AAMDC: variants seen among roughly 807,000 people sequenced by gnomAD.
AAMDC encodes the protein mth938 domain-containing protein.
Under a neutral mutation model 15.5 loss-of-function variants are expected in AAMDC, and 16 were observed. The observed-to-expected ratio is 1.03, with a 90% confidence interval of 0.70 to 1.57. The LOEUF is 1.57. AAMDC is among the 40% of genes most tolerant of loss of function. The probability of loss-of-function intolerance (pLI) is 0.00; values close to 1 mark genes in which losing one functional copy is unlikely to be tolerated. For missense variants in AAMDC, 141 were observed against 144.9 expected (o/e 0.97, Z 0.14); for synonymous variants, 51 against 51.6 (o/e 0.99, Z 0.05).
intron 1 of AAMDC, among the ~76,000 whole-genome samples, chr11:77,838,710 G>A (rs889289620): frequency 3.4e-5 from 5 of 147,336 alleles, no homozygotes; most frequent in East Asian, 4.1e-4. Flanking sequence ...TCCGCCTCCC[G>A]GGTTCACGCC....
At chr11:77,850,171 TA>T (rs1374624625) in intron 2 of AAMDC, among the ~76,000 whole-genome samples, 5 of 152,190 alleles carry the variant, frequency 3.3e-5, no homozygotes, top group Admixed American at 1.3e-4. Flanking sequence ...TTCATTAGTT[TA>T]AAAAAGGACA....
intron 1 of AAMDC, among the ~76,000 whole-genome samples, chr11:77,832,844 C>T (rs1949495587): frequency 6.6e-6 from 1 of 151,610 alleles, no homozygotes; most frequent in African/African-American, 2.4e-5. Context: ...CTTTTTGGCA[C>T]AAGGGACCAG....
chr11:77,848,177 A>T (rs368558373), intron 2 of AAMDC, among the ~76,000 whole-genome samples: 29 of 152,194 alleles, frequency 1.9e-4, no homozygotes, highest in African/African-American at 6.8e-4. Context: ...ACCATCAAAG[A>T]TACTTATGTG....
At chr11:77,822,444 A>G (rs996882560) in intron 1 of AAMDC, among the ~76,000 whole-genome samples, 1 of 150,440 alleles carries the variant, frequency 6.6e-6, no homozygotes, top group Non-Finnish European at 1.5e-5. Flanking sequence ...AAGAATTTGA[A>G]GCAAGGTACA....
downstream of AAMDC, among the ~76,000 whole-genome samples, chr11:77,875,509 A>G (rs1236188883): frequency 6.6e-6 from 1 of 152,214 alleles, no homozygotes; most frequent in Non-Finnish European, 1.5e-5. Context: ...TATAAATGAA[A>G]ATAACTGAGT....
chr11:77,901,393 A>G, downstream of AAMDC: 1 of 1,613,094 alleles, frequency 6.2e-7, no homozygotes, highest in Non-Finnish European at 8.5e-7. Context: ...GGAACATGCC[A>G]CATATTTTGG....
At chr11:77,895,047 G>A (rs1425740554) in intron 5 of AAMDC, among the ~76,000 whole-genome samples, 2 of 152,112 alleles carry the variant, frequency 1.3e-5, no homozygotes. Context: ...CTATTTTGGC[G>A]ACAGACATAG....
At chr11:77,823,278 A>G (rs1306896188) in intron 1 of AAMDC, among the ~76,000 whole-genome samples, 1 of 151,960 alleles carries the variant, frequency 6.6e-6, no homozygotes, top group African/African-American at 2.4e-5. Flanking sequence ...ATGGTTATGA[A>G]TTATCACTGC....
intron 2 of AAMDC, among the ~76,000 whole-genome samples, chr11:77,864,923 G>A (rs1257643063): frequency 1.3e-5 from 2 of 152,124 alleles, no homozygotes; most frequent in Non-Finnish European, 2.9e-5. Context: ...GCTGCAGTGA[G>A]CCCTGATTGC....
chr11:77,827,617 G>A (rs1949238143), intron 1 of AAMDC, among the ~76,000 whole-genome samples: 1 of 152,102 alleles, frequency 6.6e-6, no homozygotes, highest in Non-Finnish European at 1.5e-5. Context: ...GAAGAGAAGG[G>A]AACTTTTTCA....
chr11:77,879,027 C>T (rs771692626), intron 5 of AAMDC: 2 of 1,614,128 alleles, frequency 1.2e-6, no homozygotes, highest in Admixed American at 1.7e-5. Context: ...TGCTGGTTTC[C>T]ACCTGTGGTG....
chr11:77,845,939 TC>T (rs890336331), intron 2 of AAMDC, among the ~76,000 whole-genome samples: 3 of 152,266 alleles, frequency 2.0e-5, no homozygotes, highest in African/African-American at 7.2e-5. Context: ...TTTCCCCCAA[TC>T]CCCATATGGA....
intron 1 of AAMDC, among the ~76,000 whole-genome samples, chr11:77,831,020 A>G (rs1028076628): frequency 6.0e-5 from 9 of 149,848 alleles, no homozygotes; most frequent in African/African-American, 2.2e-4. Flanking sequence ...ATAGCCAGAC[A>G]TGGTGGCATG....
chr11:77,855,720 C>CT (rs374235923), intron 2 of AAMDC, among the ~76,000 whole-genome samples: 114,709 of 127,854 alleles, frequency 0.9, 51,708 homozygotes, highest in East Asian at 0.97. Context: ...AGTTTTATGT[C>CT]TTTTTTTTTT....
Position 77,894,152 on chromosome 11 carries a change from A to G in AAMDC, c.329-6419A>G, listed in dbSNP as rs935168616. 4.7e-5 allele frequency: 25 copies of G among 529,128 alleles called. No individual in the cohort carries two copies. The African/African-American group carries it at 4.9e-4, about 10-fold the overall frequency. 32.8% of individuals were successfully genotyped at this position (529,128 alleles called of 1,614,324 possible). A position where few individuals can be genotyped will look rare whatever the true frequency, so the allele number is the denominator to read the frequency against. The stretch of plus-strand genomic sequence containing the variant: ...GTTCTTTTTTTCCTAATTTAAGGTT[A>G]ACGACATGGCCACAGATGATAGCTT... On this transcript the variant is annotated intron_variant, in intron 5 of 5. Coordinates refer to the AAMDC transcript ENST00000304716.
At chr11:77,904,598 C>T (rs1952884624), downstream of AAMDC, among the ~76,000 whole-genome samples, 1 of 152,156 alleles carries the variant, frequency 6.6e-6, no homozygotes. Context: ...TATCTGGTGG[C>T]TATCAAATTA....
intron 2 of AAMDC, chr11:77,868,641 A>ACCTT (rs920307781): frequency 2.4e-4 from 35 of 144,458 alleles, no homozygotes; most frequent in African/African-American, 9.1e-4. Flanking sequence ...ATACCTGGCC[A>ACCTT]CCTTTTTTTT....
At chr11:77,834,655 T>A (rs1321592017) in intron 1 of AAMDC, among the ~76,000 whole-genome samples, 1 of 152,124 alleles carries the variant, frequency 6.6e-6, no homozygotes. Flanking sequence ...CCTCAGGTGA[T>A]CCATCCACCT....
At chr11:77,854,754 T>C (rs1159785632) in intron 2 of AAMDC, among the ~76,000 whole-genome samples, 1 of 152,202 alleles carries the variant, frequency 6.6e-6, no homozygotes, top group Non-Finnish European at 1.5e-5. Flanking sequence ...GTCTGGAGGA[T>C]GGTGGCCCTC....
Sources: allele counts gnomAD v4.1 joint callset (sites outside exome capture counted in the v4.1 genomes callset), GRCh38; gene constraint gnomAD v4.1.1; transcripts MANE v1.5; gene names NCBI Gene and HGNC (gene_info 2026-07-23, HGNC 2026-07-21).